RALGPS1: variants seen among roughly 807,000 people sequenced by gnomAD.
The protein encoded by RALGPS1 is Ral GEF with PH domain and SH3 binding motif 1.
RALGPS1 carries 19 observed loss-of-function variants against 78.8 expected under a neutral mutation model. The observed-to-expected ratio is 0.24, with a 90% confidence interval of 0.17 to 0.35. RALGPS1 has a LOEUF of 0.35. RALGPS1 is among the 10% of genes least tolerant of loss of function. RALGPS1 has a pLI of 1.00. For synonymous variants in RALGPS1, 228 were observed against 256.3 expected (o/e 0.89, Z 1.06); for missense variants, 454 against 688.3 (o/e 0.66, Z 3.81).
At chr9:127,065,880 A>G (rs2049645561) in intron 7 of RALGPS1, among the ~76,000 whole-genome samples, 1 of 152,240 alleles carries the variant, frequency 6.6e-6, no homozygotes, top group South Asian at 2.1e-4. Context: ...GTTTTCAAAT[A>G]CATCATCGGA....
chr9:127,045,793 ACAC>A (rs1230748731), intron 5 of RALGPS1, among the ~76,000 whole-genome samples: 1 of 136,876 alleles, frequency 7.3e-6, no homozygotes, highest in Non-Finnish European at 1.6e-5. Flanking sequence ...ACACACACAC[ACAC>A]AATTTCTTGG....
chr9:127,095,146 C>T (rs1425550549), intron 8 of RALGPS1, among the ~76,000 whole-genome samples: 1 of 152,236 alleles, frequency 6.6e-6, no homozygotes, highest in African/African-American at 2.4e-5. Context: ...CGCCTGTAAT[C>T]CCAGCACTTT....
chr9:126,987,660 C>T (rs2041925870), intron 4 of RALGPS1, among the ~76,000 whole-genome samples: 1 of 152,138 alleles, frequency 6.6e-6, no homozygotes. Flanking sequence ...GGAAAGCTTT[C>T]CTAAGTGCTC....
chr9:127,176,079 A>C (rs2059854271), intron 11 of RALGPS1, among the ~76,000 whole-genome samples: 2 of 151,392 alleles, frequency 1.3e-5, no homozygotes, highest in African/African-American at 4.9e-5. Context: ...CCCTGCCTCC[A>C]GCACCCCTGG....
At chr9:127,105,131 C>T (rs573013107) in intron 8 of RALGPS1, among the ~76,000 whole-genome samples, 1 of 152,252 alleles carries the variant, frequency 6.6e-6, no homozygotes, top group African/African-American at 2.4e-5. Flanking sequence ...CAGCTGGCAG[C>T]GCCTTGTGTG....
intron 7 of RALGPS1, among the ~76,000 whole-genome samples, chr9:127,064,913 T>C (rs2049549025): frequency 6.6e-6 from 1 of 152,112 alleles, no homozygotes; most frequent in Non-Finnish European, 1.5e-5. Context: ...TTTGTTTTGT[T>C]CTTGTTTTGT....
At chr9:127,108,807 G>C in intron 8 of RALGPS1, 1 of 1,434,724 alleles carries the variant, frequency 7.0e-7, no homozygotes, top group Non-Finnish European at 9.4e-7. Flanking sequence ...GGGAGAATCA[G>C]TGATGGTCCC....
intron 8 of RALGPS1, among the ~76,000 whole-genome samples, chr9:127,141,392 G>A (rs1407749470): frequency 6.6e-6 from 1 of 151,934 alleles, no homozygotes; most frequent in African/African-American, 2.4e-5. Context: ...CAACAGTAAC[G>A]CAAAGCTGCC....
intron 6 of RALGPS1, among the ~76,000 whole-genome samples, chr9:127,052,188 C>G (rs1413796768): frequency 6.6e-6 from 1 of 152,166 alleles, no homozygotes; most frequent in Non-Finnish European, 1.5e-5. Flanking sequence ...TTCATTGACT[C>G]CCAAGAAAGA....
intron 1 of RALGPS1, among the ~76,000 whole-genome samples, chr9:126,952,648 A>AGTGTGTGT (rs1370007469): frequency 2.6e-5 from 2 of 75,530 alleles, no homozygotes; most frequent in Non-Finnish European, 7.9e-5. Flanking sequence ...AGAGAGAGAG[A>AGTGTGTGT]GAGAGAGAGT....
At chr9:126,958,142 A>AAAAAAAAATAT (rs113413659) in intron 1 of RALGPS1, among the ~76,000 whole-genome samples, 221 of 76,934 alleles carry the variant, frequency 2.9e-3, no homozygotes, top group East Asian at 0.01. Context: ...AAAAAAAAAA[A>AAAAAAAAATAT]ATATATATAT....
At chr9:127,113,916 G>T (rs2055126505) in intron 8 of RALGPS1, among the ~76,000 whole-genome samples, 1 of 152,248 alleles carries the variant, frequency 6.6e-6, no homozygotes, top group African/African-American at 2.4e-5. Flanking sequence ...GGGCCACTTT[G>T]TGGGAAGAGC....
intron 4 of RALGPS1, among the ~76,000 whole-genome samples, chr9:127,032,496 T>C (rs777709100): frequency 5.9e-5 from 9 of 152,366 alleles, no homozygotes; most frequent in Middle Eastern, 6.8e-3. Context: ...ACATCAGTTT[T>C]ATGAGTTGGG....
intron 1 of RALGPS1, among the ~76,000 whole-genome samples, chr9:126,938,855 T>C (rs769192130): frequency 8.5e-5 from 13 of 152,146 alleles, no homozygotes; most frequent in Non-Finnish European, 1.6e-4. Flanking sequence ...GGAAGTGACA[T>C]TTAAATGAGA....
intron 8 of RALGPS1, among the ~76,000 whole-genome samples, chr9:127,076,989 T>G: frequency 6.7e-6 from 1 of 150,344 alleles, no homozygotes; most frequent in African/African-American, 2.5e-5. Context: ...GGCCGGAGAG[T>G]AGTGAATGAG....
At chr9:126,918,673 A>AT (rs74944435) in intron 1 of RALGPS1, among the ~76,000 whole-genome samples, 24,650 of 132,564 alleles carry the variant, frequency 0.19, 2,816 homozygotes, top group East Asian at 0.48. Flanking sequence ...TCACACATGG[A>AT]TTTTTTTTTT....
intron 1 of RALGPS1, among the ~76,000 whole-genome samples, chr9:126,959,064 C>CT (rs35067123): frequency 0.011 from 1,565 of 136,312 alleles, 14 homozygotes; most frequent in African/African-American, 0.03. Context: ...TCTTCTTCTT[C>CT]TTTTTTTTTT....
At chr9:126,926,334 A>G (rs114360270) in intron 1 of RALGPS1, among the ~76,000 whole-genome samples, 2,070 of 152,314 alleles carry the variant, frequency 0.014, 53 homozygotes, top group African/African-American at 0.047. Flanking sequence ...ATACAGTGTC[A>G]TGGGAAGTAG....
chr9:127,110,784 C>T (rs544913775), intron 8 of RALGPS1, among the ~76,000 whole-genome samples: 4 of 152,278 alleles, frequency 2.6e-5, no homozygotes, highest in South Asian at 2.1e-4. Context: ...CGCCAAATTA[C>T]GATGCCAGAA....
Sources: gnomAD v4.1 joint callset for allele counts (sites outside exome capture counted in the v4.1 genomes callset) on GRCh38, gnomAD v4.1.1 for gene constraint, MANE v1.5 for transcripts, NCBI Gene and HGNC (gene_info 2026-07-23, HGNC 2026-07-21) for gene names.